The following TTLL11 variants were observed in gnomAD, a reference collection of about 807,000 sequenced individuals.
TTLL11 encodes the protein tubulin tyrosine ligase like 11.
In TTLL11, 42 loss-of-function variants were observed where a neutral mutation model predicts 51.7. That is an observed-to-expected ratio of 0.81 (90% CI 0.64 to 1.05). The LOEUF (loss-of-function observed/expected upper bound fraction) is 1.05. Ranked by LOEUF, TTLL11 falls within the 50% of genes least tolerant of loss-of-function variation. The probability of loss-of-function intolerance (pLI) is 0.00; values close to 1 mark genes in which losing one functional copy is unlikely to be tolerated. For synonymous variants in TTLL11, 381 were observed against 383.5 expected (o/e 0.99, Z 0.08); for missense variants, 799 against 940.4 (o/e 0.85, Z 1.97).
chr9:122,018,949 C>A (rs949925426), intron 3 of TTLL11, among the ~76,000 whole-genome samples: 1 of 152,228 alleles, frequency 6.6e-6, no homozygotes, highest in Non-Finnish European at 1.5e-5. Context: ...GCAGTCAATA[C>A]TTGAGCAACA....
At chr9:121,925,880 T>A (rs923121505) in intron 6 of TTLL11, among the ~76,000 whole-genome samples, 6 of 152,218 alleles carry the variant, frequency 3.9e-5, no homozygotes, top group African/African-American at 1.4e-4. Flanking sequence ...GAGCCTGGCA[T>A]CCAGGCCTCT....
At chr9:122,078,525 G>C (rs1845917317) in intron 1 of TTLL11, among the ~76,000 whole-genome samples, 1 of 152,204 alleles carries the variant, frequency 6.6e-6, no homozygotes, top group Non-Finnish European at 1.5e-5. Flanking sequence ...ATGCAGTGTG[G>C]TGTCAGTAGT....
intron 6 of TTLL11, among the ~76,000 whole-genome samples, chr9:121,961,991 G>A (rs951602869): frequency 6.6e-6 from 1 of 152,188 alleles, no homozygotes; most frequent in Non-Finnish European, 1.5e-5. Flanking sequence ...GGGAGGCAGA[G>A]GTTGCAGTGA....
In TTLL11 at chr9:121,974,879, C is replaced by T. The variant is rs1284957220; in HGVS notation, c.1365+5G>A. ...CATAGTCAATGAGATGCTCAAAATA[C>T]TTACTTCGTGCTCATGTTCGATTCT... is the stretch of plus-strand genomic sequence containing the variant. On this transcript the variant is annotated splice_donor_5th_base_variant and intron_variant, in intron 5 of 8. Transcript: ENST00000321582. 1 of 1,539,358 alleles carries T rather than the reference C, an allele frequency of 6.5e-7. No individual in the cohort carries two copies. The highest frequency in any genetic ancestry group is 8.8e-7 in the Non-Finnish European group (1 of 1,141,260).
chr9:121,847,134 C>T (rs1162596454), intron 8 of TTLL11, among the ~76,000 whole-genome samples: 8 of 148,612 alleles, frequency 5.4e-5, no homozygotes, highest in South Asian at 2.1e-4. Context: ...GGCGTGAACC[C>T]GGGAGGCGGA....
At chr9:122,050,055 C>T (rs1845115888) in intron 1 of TTLL11, among the ~76,000 whole-genome samples, 1 of 152,068 alleles carries the variant, frequency 6.6e-6, no homozygotes, top group Non-Finnish European at 1.5e-5. Context: ...AGCGAGACCC[C>T]AGCTCAAGCC....
At chr9:121,850,791 G>A (rs1475302600) in intron 8 of TTLL11, among the ~76,000 whole-genome samples, 1 of 152,122 alleles carries the variant, frequency 6.6e-6, no homozygotes, top group East Asian at 1.9e-4. Flanking sequence ...CAGTCAAGTA[G>A]ACACCTGAAA....
At chr9:121,914,281 T>C (rs13296029) in intron 6 of TTLL11, among the ~76,000 whole-genome samples, 33,427 of 152,206 alleles carry the variant, frequency 0.22, 4,456 homozygotes, top group African/African-American at 0.36. Context: ...TGAATAGATG[T>C]GGCAGAGATA....
intron 6 of TTLL11, among the ~76,000 whole-genome samples, chr9:121,889,072 T>A (rs895420794): frequency 6.6e-6 from 1 of 152,216 alleles, no homozygotes; most frequent in Admixed American, 6.5e-5. Flanking sequence ...AGCAATAATA[T>A]CTAATACATC....
chr9:121,935,915 A>G (rs1277131664), intron 6 of TTLL11, among the ~76,000 whole-genome samples: 1 of 152,218 alleles, frequency 6.6e-6, no homozygotes, highest in Non-Finnish European at 1.5e-5. Flanking sequence ...GACAGAGCAC[A>G]GCCCCGACAG....
chr9:122,093,164 G>T lies in TTLL11; in HGVS notation c.-16C>A. On this transcript the variant is annotated 5_prime_UTR_variant, in exon 1 of 9. Transcript: ENST00000321582. ...CCCGCCGCATGGTGCTCAGGGCCGG[G>T]GCCAGTGCCAGTGCCACCGCCGCCG... 6.7e-7 allele frequency: 1 copy of T among 1,495,104 alleles called. No homozygotes were observed. 92.6% of individuals were successfully genotyped at this position (1,495,104 alleles called of 1,614,324 possible). A position where few individuals can be genotyped will look rare whatever the true frequency, so the allele number is the denominator to read the frequency against.
chr9:121,906,107 T>C (rs1839935764), intron 6 of TTLL11, among the ~76,000 whole-genome samples: 1 of 152,166 alleles, frequency 6.6e-6, no homozygotes, highest in African/African-American at 2.4e-5. Flanking sequence ...CTGGAAGTAA[T>C]GAGATTAGGC....
chr9:121,826,173 T>TATAA (rs1462210276), intron 8 of TTLL11, among the ~76,000 whole-genome samples: 3 of 69,638 alleles, frequency 4.3e-5, no homozygotes, highest in Non-Finnish European at 5.5e-5. Flanking sequence ...TATATATATA[T>TATAA]AACCAGTAAC....
chr9:121,926,637 G>A (rs1158399314), intron 6 of TTLL11, among the ~76,000 whole-genome samples: 2 of 152,148 alleles, frequency 1.3e-5, no homozygotes, highest in Non-Finnish European at 2.9e-5. Flanking sequence ...GTGGGGCTTC[G>A]GGGCCAAGGC....
chr9:121,976,144 G>A (rs1318712502), intron 4 of TTLL11, among the ~76,000 whole-genome samples: 2 of 152,134 alleles, frequency 1.3e-5, no homozygotes, highest in Non-Finnish European at 2.9e-5. Flanking sequence ...CAAGCTCAGA[G>A]CCCTTCTAAG....
intron 1 of TTLL11, among the ~76,000 whole-genome samples, chr9:122,070,572 C>T (rs1010840180): frequency 1.3e-5 from 2 of 152,186 alleles, no homozygotes; most frequent in Non-Finnish European, 2.9e-5. Flanking sequence ...GATTCATCTA[C>T]CTGCTCATTA....
In TTLL11 at chr9:122,093,126, C is replaced by G; in HGVS notation, c.23G>C (p.Ser8Thr). The G allele has an allele frequency of 1.3e-6, 2 of 1,492,026 alleles. No homozygotes were observed. The highest frequency in any genetic ancestry group is 4.3e-5 in the Admixed American group (2 of 46,598). 92.4% of individuals were successfully genotyped at this position (1,492,026 alleles called of 1,614,324 possible). ...CGCCTCCCACCGGGCCGCCAGCTCG[C>G]TCTCGGAGCTGCCCCGCCGCATGGT... MRRGSSE[S>T]ELAARWEAEA... Residue 8 changes from serine to threonine, a missense_variant, in exon 1 of 9, where the codon AGC becomes ACC. Physicochemically the swap from Ser to Thr is moderately conservative, Grantham distance 58 (BLOSUM62 1). This residue lies in a region of TTLL11 where 166 missense variants were observed against 161.6 expected (regional missense o/e 1.03). Transcript: ENST00000321582.
At chr9:121,967,809 T>C (rs56290900) in intron 6 of TTLL11, among the ~76,000 whole-genome samples, 18,414 of 152,194 alleles carry the variant, frequency 0.12, 1,288 homozygotes, top group African/African-American at 0.19. Flanking sequence ...ATTATTCAGC[T>C]GTAAAAAGGA....
intron 3 of TTLL11, among the ~76,000 whole-genome samples, chr9:122,026,735 T>C (rs1302107635): frequency 1.3e-5 from 2 of 151,908 alleles, no homozygotes; most frequent in African/African-American, 4.8e-5. Flanking sequence ...AACTTTATAG[T>C]GGAGAAATCT....
Sources: gnomAD v4.1 joint callset for allele counts (sites outside exome capture counted in the v4.1 genomes callset) on GRCh38, gnomAD v4.1.1 for gene constraint, gnomAD v4.1.1 regional missense constraint, MANE v1.5 for transcripts, NCBI Gene and HGNC (gene_info 2026-07-23, HGNC 2026-07-21) for gene names.